USO1: variants seen among roughly 807,000 people sequenced by gnomAD.
The protein encoded by USO1 is USO1 vesicle transport factor.
Under a neutral mutation model 124.5 loss-of-function variants are expected in USO1, and 57 were observed. That is an observed-to-expected ratio of 0.46 (90% CI 0.37 to 0.57). The LOEUF (loss-of-function observed/expected upper bound fraction) is 0.57, where lower values mean the gene tolerates loss of function less well. Among genes scored for constraint, USO1 ranks in the 20% least tolerant of loss-of-function variants. The pLI is 0.00. For missense variants in USO1, 900 were observed against 1,040.6 expected (o/e 0.86, Z 1.86); for synonymous variants, 369 against 362.8 (o/e 1.02, Z -0.19).
In USO1 at chr4:75,804,130, A is replaced by G. The variant is rs1263565531; in HGVS notation, c.1987-4A>G. 6.2e-7 allele frequency: 1 copy of G among 1,612,026 alleles called. No individual in the cohort carries two copies. The highest frequency in any genetic ancestry group is 8.5e-7 in the Non-Finnish European group (1 of 1,179,220). On this transcript the variant is annotated splice_region_variant and splice_polypyrimidine_tract_variant and intron_variant, in intron 17 of 23. Transcript: ENST00000514213. ...AAACACATGAATTATGTTTTGTTTCACAGGATCTCCAACTTGAGGAATTAA... is the reference window on the plus strand; with the variant it reads ...AAACACATGAATTATGTTTTGTTTCGCAGGATCTCCAACTTGAGGAATTAA...
chr4:75,755,151 A>G (rs1396428846), intron 3 of USO1, among the ~76,000 whole-genome samples: 1 of 152,242 alleles, frequency 6.6e-6, no homozygotes, highest in African/African-American at 2.4e-5. Context: ...ATAGAAAGCC[A>G]CAGTGCCTTT....
intron 4 of USO1, chr4:75,767,383 A>G: frequency 2.5e-6 from 1 of 398,928 alleles, no homozygotes; most frequent in Non-Finnish European, 4.9e-6. Context: ...AATAATGAAC[A>G]TATGTAAATA....
rs545703522 is a variant in USO1 at position 75,744,333 on chromosome 4, C to T, written c.67-8040C>T. Among the ~76,000 whole-genome samples, 8 of 152,248 alleles carry T rather than the reference C, an allele frequency of 5.3e-5. No homozygotes were observed. The East Asian group carries it at 1.3e-3, about 26-fold the overall frequency. ...CTTTGACCTTTAACTTTCCTAAACC[C>T]CAGAGTATATACTGAGATACGGAAG... On this transcript the variant is annotated intron_variant, in intron 1 of 23. Coordinates refer to ENST00000514213, the MANE Select transcript of USO1 (RefSeq NM_003715.4).
chr4:75,759,625 TTGGCTGGGCACGGTGGCTCA>T (rs1483402713), intron 4 of USO1, among the ~76,000 whole-genome samples: 13 of 147,110 alleles, frequency 8.8e-5, no homozygotes, highest in Non-Finnish European at 1.2e-4. Context: ...AAAGTAGACA[TTGGCTGGGCACGGTGGCTCA>T]CGCCTGTAAT....
intron 1 of USO1, among the ~76,000 whole-genome samples, chr4:75,746,972 G>A (rs940144296): frequency 1.3e-5 from 2 of 152,116 alleles, no homozygotes; most frequent in Non-Finnish European, 2.9e-5. Context: ...CATAAGCTTG[G>A]TAATAATAAA....
chr4:75,760,505 G>T (rs1721574913), intron 4 of USO1: 1 of 388,270 alleles, frequency 2.6e-6, no homozygotes, highest in South Asian at 1.4e-4. Flanking sequence ...ACATTTTTAA[G>T]CTCCTATTTT....
chr4:75,749,221 C>G (rs115733396), intron 1 of USO1, among the ~76,000 whole-genome samples: 435 of 152,220 alleles, frequency 2.9e-3, no homozygotes, highest in African/African-American at 9.9e-3. Flanking sequence ...CCCACTTGTT[C>G]TGTGATCGTA....
intron 17 of USO1, among the ~76,000 whole-genome samples, chr4:75,803,515 C>T (rs1463926810): frequency 1.3e-5 from 2 of 151,448 alleles, no homozygotes; most frequent in Middle Eastern, 3.2e-3. Flanking sequence ...CTGGGCATGG[C>T]AGCGGGCGCC....
At chr4:75,788,325 G>T (rs1315189451) in intron 10 of USO1, among the ~76,000 whole-genome samples, 1 of 150,816 alleles carries the variant, frequency 6.6e-6, no homozygotes, top group Non-Finnish European at 1.5e-5. Context: ...CCGCCACCAT[G>T]CCCGGCTAAT....
chr4:75,773,569 G>C (rs1374253858), intron 7 of USO1, among the ~76,000 whole-genome samples: 1 of 152,044 alleles, frequency 6.6e-6, no homozygotes, highest in Non-Finnish European at 1.5e-5. Context: ...AGTTTTTGGG[G>C]AACAGTGTTT....
At chr4:75,770,973 A>G (rs368541689) in intron 6 of USO1, 49 bp downstream of exon 6, 1 of 1,597,240 alleles carries the variant, frequency 6.3e-7, no homozygotes, top group African/African-American at 1.4e-5. Flanking sequence ...CATGAGTATC[A>G]TTTCCTAGAG....
At chr4:75,801,320 T>G (rs1475434275) in intron 17 of USO1, 120 bp downstream of exon 17, 3 of 1,216,420 alleles carry the variant, frequency 2.5e-6, no homozygotes, top group Non-Finnish European at 3.2e-6. Context: ...CCCATCATTT[T>G]TCAAAGCATC....
chr4:75,768,353 G>A (rs1443082346), intron 4 of USO1, among the ~76,000 whole-genome samples: 1 of 152,190 alleles, frequency 6.6e-6, no homozygotes, highest in Non-Finnish European at 1.5e-5. Flanking sequence ...TTTTCAGAGT[G>A]TAAGTAGCAC....
rs539303852 is a variant in USO1, at chr4:75,766,146, A to G, written c.296-4293A>G. On this transcript the variant is annotated intron_variant, in intron 4 of 23. Coordinates refer to ENST00000514213, the MANE Select transcript of USO1 (RefSeq NM_003715.4). ...AGTTACTTTTTTTGATAGATTGCAT[A>G]TAACTTTTATGAGAAAGAGAGAAAT... 3.3e-5 allele frequency among the ~76,000 whole-genome samples: 5 copies of G among 152,318 alleles called. No homozygotes were observed. The East Asian group carries it at 7.7e-4, about 23-fold the overall frequency.
intron 20 of USO1, among the ~76,000 whole-genome samples, chr4:75,808,524 T>C (rs1005286692): frequency 1.3e-5 from 2 of 152,310 alleles, no homozygotes; most frequent in African/African-American, 4.8e-5. Flanking sequence ...ATGCATTCAT[T>C]GTAAGTCAGG....
Position 75,790,924 on chromosome 4 carries a change from CA to C in USO1, c.1240+132del. The C allele has an allele frequency of 3.0e-6, 3 of 1,005,698 alleles. No homozygotes were observed. In the South Asian group the frequency reaches 7.4e-5, roughly 25 times the overall value. The allele number at this position is 1,005,698 out of a possible 1,614,324, so 62.3% of individuals were successfully genotyped here. On this transcript the variant is annotated intron_variant, in intron 12 of 23. Transcript: ENST00000514213. The stretch of plus-strand genomic sequence containing the variant: ...ATGCTTAGGAGAGAAAAAAAAAAAA[CA>C]AAAACACCTGAATTCTAAGGCCTGC...
chr4:75,735,600 A>G (rs1216618226), intron 1 of USO1, among the ~76,000 whole-genome samples: 2 of 152,036 alleles, frequency 1.3e-5, no homozygotes, highest in African/African-American at 4.8e-5. Context: ...GTCTCACTTC[A>G]GCCTCAACCT....
At chr4:75,805,997 T>A (rs1160236050) in intron 19 of USO1, among the ~76,000 whole-genome samples, 1 of 152,144 alleles carries the variant, frequency 6.6e-6, no homozygotes, top group Non-Finnish European at 1.5e-5. Flanking sequence ...AAATTTTATT[T>A]TTTTTTCTTT....
intron 16 of USO1, 134 bp downstream of exon 16, chr4:75,800,933 C>T (rs1722831737): frequency 1.4e-6 from 2 of 1,406,768 alleles, no homozygotes; most frequent in Non-Finnish European, 1.9e-6. Flanking sequence ...ATCTGTAGCC[C>T]ATTGAAGGAC....
Sources: gnomAD v4.1 joint callset for allele counts (sites outside exome capture counted in the v4.1 genomes callset) on GRCh38, gnomAD v4.1.1 for gene constraint, MANE v1.5 for transcripts, NCBI Gene and HGNC (gene_info 2026-07-23, HGNC 2026-07-21) for gene names.